CNOT6: variants seen among roughly 807,000 people sequenced by gnomAD.
The protein encoded by CNOT6 is CCR4-NOT transcription complex subunit 6, also known as carbon catabolite repression 4 protein.
CNOT6 carries 12 observed loss-of-function variants against 61.2 expected under a neutral mutation model. The ratio of observed to expected loss-of-function variants is 0.20; its 90% confidence interval spans 0.13 to 0.32. The LOEUF (loss-of-function observed/expected upper bound fraction) is 0.32, where lower values mean the gene tolerates loss of function less well. Ranked by LOEUF, CNOT6 falls within the 10% of genes least tolerant of loss-of-function variation. CNOT6 has a pLI of 1.00. For synonymous variants in CNOT6, 225 were observed against 240.6 expected (o/e 0.94, Z 0.60); for missense variants, 405 against 663.9 (o/e 0.61, Z 4.28).
chr5:180,522,047 A>G (rs1442461657), intron 1 of CNOT6, among the ~76,000 whole-genome samples: 3 of 152,178 alleles, frequency 2.0e-5, no homozygotes, highest in African/African-American at 7.2e-5. Flanking sequence ...TTCTTTGGGT[A>G]TAGAACCAGT....
intron 8 of CNOT6, 22 bp downstream of exon 8, chr5:180,567,264 A>C: frequency 6.3e-7 from 1 of 1,591,972 alleles, no homozygotes; most frequent in South Asian, 1.2e-5. Flanking sequence ...TATTTTTTAA[A>C]AAGAACGTTT....
intron 2 of CNOT6, among the ~76,000 whole-genome samples, chr5:180,539,459 G>GGTAATAGTT (rs1475162349): frequency 1.3e-5 from 2 of 149,254 alleles, no homozygotes; most frequent in Admixed American, 1.3e-4. Flanking sequence ...TGAAATACTA[G>GGTAATAGTT]GTAATAGTTT....
chr5:180,574,449 A>T lies in CNOT6; in HGVS notation c.*249A>T. The T allele has an allele frequency of 1.9e-6, 1 of 532,690 alleles. No homozygotes were observed. Among genetic ancestry groups the T allele is most frequent in the South Asian group, 2.3e-5 (1 of 44,232 alleles). The allele number at this position is 532,690 out of a possible 1,614,324, so 33.0% of individuals were successfully genotyped here. A position where few individuals can be genotyped will look rare whatever the true frequency, so the allele number is the denominator to read the frequency against. On this transcript the variant is annotated 3_prime_UTR_variant, in exon 12 of 12. Transcript: ENST00000261951. ...ACCTGTCTTTCATTTGTCATAAGAG[A>T]TTTTCCTATTTCTTCTACCCAATAG... is the stretch of plus-strand genomic sequence containing the variant.
chr5:180,574,423 C>T lies in CNOT6; in HGVS notation c.*223C>T. ...TGCTAGACAGGGATTGGTGTGTTTG[C>T]ACCTGTCTTTCATTTGTCATAAGAG... On this transcript the variant is annotated 3_prime_UTR_variant, in exon 12 of 12. Transcript: ENST00000261951. 1 of 572,958 alleles carries T rather than the reference C, an allele frequency of 1.7e-6. No homozygotes were observed. The highest frequency in any genetic ancestry group is 3.1e-5 in the Admixed American group (1 of 32,318). 35.5% of individuals were successfully genotyped at this position (572,958 alleles called of 1,614,324 possible). A position where few individuals can be genotyped will look rare whatever the true frequency, so the allele number is the denominator to read the frequency against.
chr5:180,543,522 C>T (rs1176660914), intron 2 of CNOT6, among the ~76,000 whole-genome samples: 1 of 152,120 alleles, frequency 6.6e-6, no homozygotes, highest in Non-Finnish European at 1.5e-5. Flanking sequence ...ATTCAGTATG[C>T]TCGATTCATG....
chr5:180,540,350 G>C (rs1169538981), intron 2 of CNOT6, among the ~76,000 whole-genome samples: 1 of 152,038 alleles, frequency 6.6e-6, no homozygotes, highest in African/African-American at 2.4e-5. Flanking sequence ...GATATGATTA[G>C]GGTCAAATAA....
At chr5:180,509,137 A>AT (rs1219428781) in intron 1 of CNOT6, among the ~76,000 whole-genome samples, 1 of 150,440 alleles carries the variant, frequency 6.6e-6, no homozygotes, top group African/African-American at 2.5e-5. Context: ...TTTTATTTTT[A>AT]TTTTTTTATT....
chr5:180,553,378 A>T lies in CNOT6; in HGVS notation c.300-8A>T. On this transcript the variant is annotated splice_polypyrimidine_tract_variant and splice_region_variant and intron_variant, in intron 3 of 11. Coordinates refer to ENST00000261951, the MANE Select transcript of CNOT6 (RefSeq NM_001370472.1). ...TTTTCTGACTTCCTGGAATTTTTAC[A>T]TCAACAGGGAGCTCCATTTAAATAA... The T allele has an allele frequency of 1.2e-6, 2 of 1,606,770 alleles. No homozygotes were observed. Among genetic ancestry groups the T allele is most frequent in the Non-Finnish European group, 1.7e-6 (2 of 1,175,784 alleles).
intron 1 of CNOT6, among the ~76,000 whole-genome samples, chr5:180,496,859 T>C (rs1581453828): frequency 1.3e-5 from 2 of 152,330 alleles, no homozygotes; most frequent in South Asian, 4.1e-4. Context: ...CTTGAATGCC[T>C]GTTCAATTTG....
At chr5:180,538,690 A>ATATGTG (rs1561648294) in intron 2 of CNOT6, among the ~76,000 whole-genome samples, 1 of 59,906 alleles carries the variant, frequency 1.7e-5, no homozygotes, top group Non-Finnish European at 3.8e-5. Context: ...AAAAAGGTAT[A>ATATGTG]TATATATATA....
chr5:180,558,716 A>G (rs1051278854), intron 4 of CNOT6, among the ~76,000 whole-genome samples: 1 of 151,752 alleles, frequency 6.6e-6, no homozygotes, highest in African/African-American at 2.4e-5. Context: ...CATTTAATGT[A>G]GAAATTTTCC....
At chr5:180,524,976 G>A (rs1758032265) in intron 1 of CNOT6, among the ~76,000 whole-genome samples, 1 of 152,144 alleles carries the variant, frequency 6.6e-6, no homozygotes, top group South Asian at 2.1e-4. Flanking sequence ...TATTTTCTAG[G>A]TTATTACTGA....
intron 2 of CNOT6, among the ~76,000 whole-genome samples, chr5:180,530,432 AATAGC>A (rs1758297430): frequency 1.3e-5 from 2 of 152,194 alleles, no homozygotes; most frequent in South Asian, 4.1e-4. Flanking sequence ...AAATAAGGAT[AATAGC>A]ATTCCTCCTT....
chr5:180,538,698 A>ATATATG, intron 2 of CNOT6, among the ~76,000 whole-genome samples: 1 of 38,868 alleles, frequency 2.6e-5, no homozygotes, highest in Non-Finnish European at 8.0e-5. Flanking sequence ...ATATATATAT[A>ATATATG]TATATATATA....
intron 11 of CNOT6, among the ~76,000 whole-genome samples, chr5:180,571,805 C>G (rs34916144): frequency 6.6e-6 from 1 of 152,044 alleles, no homozygotes; most frequent in African/African-American, 2.4e-5. Context: ...TCAAATGATT[C>G]TTCCACCTCA....
Position 180,555,697 on chromosome 5 carries a change from A to G in CNOT6, c.385+2226A>G, listed in dbSNP as rs368491804. Among the ~76,000 whole-genome samples, 3 of 152,324 alleles carry G rather than the reference A, an allele frequency of 2.0e-5. No individual in the cohort carries two copies. The East Asian group carries it at 5.8e-4, about 29-fold the overall frequency. ...CTTTACTTCTTAAAGCAATTGTATC[A>G]TCTTTGCCCTCTGAAAACTATCATT... On this transcript the variant is annotated intron_variant, in intron 4 of 11. Coordinates refer to ENST00000261951, the MANE Select transcript of CNOT6 (RefSeq NM_001370472.1).
chr5:180,547,235 C>T (rs549042996), intron 2 of CNOT6, among the ~76,000 whole-genome samples: 5 of 151,144 alleles, frequency 3.3e-5, no homozygotes, highest in South Asian at 4.2e-4. Context: ...AGTTTTTACT[C>T]CTGGCCAGGC....
chr5:180,521,604 G>T (rs762111607), intron 1 of CNOT6, among the ~76,000 whole-genome samples: 5 of 152,204 alleles, frequency 3.3e-5, no homozygotes, highest in Non-Finnish European at 4.4e-5. Context: ...TACATGTGCA[G>T]GTTTGTTACA....
intron 2 of CNOT6, among the ~76,000 whole-genome samples, chr5:180,540,443 G>C (rs1758975813): frequency 6.6e-6 from 1 of 152,138 alleles, no homozygotes. Flanking sequence ...CCTTTTGATA[G>C]TATGAAAGTG....
Sources: gnomAD v4.1 joint callset for allele counts (sites outside exome capture counted in the v4.1 genomes callset) on GRCh38, gnomAD v4.1.1 for gene constraint, MANE v1.5 for transcripts, NCBI Gene and HGNC (gene_info 2026-07-23, HGNC 2026-07-21) for gene names.